The following LYRM4 variants were observed in gnomAD, a reference collection of about 807,000 sequenced individuals.
LYRM4 encodes the protein LYR motif-containing protein 4.
In LYRM4, 9 loss-of-function variants were observed where a neutral mutation model predicts 11.7. The ratio of observed to expected loss-of-function variants is 0.77; its 90% CI spans 0.46 to 1.34. The LOEUF (loss-of-function observed/expected upper bound fraction) is 1.34, where lower values mean the gene tolerates loss of function less well. Among genes scored for constraint, LYRM4 ranks in the 40% most tolerant of loss-of-function variants. The pLI, the probability that LYRM4 is intolerant of heterozygous loss-of-function variation, is 0.00. For synonymous variants in LYRM4, 42 were observed against 40.4 expected (o/e 1.04, Z -0.15); for missense variants, 133 against 112.5 (o/e 1.18, Z -0.82).
chr6:5,237,372 C>T (rs1763612398), intron 1 of LYRM4, among the ~76,000 whole-genome samples: 1 of 151,762 alleles, frequency 6.6e-6, no homozygotes, highest in Non-Finnish European at 1.5e-5. Context: ...AAGATCTGTC[C>T]CTGTCTCCCA....
chr6:5,054,842 G>A, the LYRM4 span, among the ~76,000 whole-genome samples: 6 of 152,096 alleles, frequency 3.9e-5, no homozygotes, highest in African/African-American at 1.4e-4. Flanking sequence ...ATCACATGAC[G>A]GATATCAGGC....
chr6:5,242,230 G>A (rs1336014008), intron 1 of LYRM4, among the ~76,000 whole-genome samples: 3 of 151,648 alleles, frequency 2.0e-5, no homozygotes, highest in Non-Finnish European at 4.4e-5. Flanking sequence ...GTGCCACCAC[G>A]CCTGGCTAAT....
intron 2 of LYRM4, among the ~76,000 whole-genome samples, chr6:5,190,846 T>C (rs1197297002): frequency 6.6e-6 from 1 of 152,214 alleles, no homozygotes; most frequent in Non-Finnish European, 1.5e-5. Flanking sequence ...CTAAAGTTTC[T>C]GAACCTGAGC....
At chr6:5,168,014 C>A (rs1349815823) in intron 2 of LYRM4, among the ~76,000 whole-genome samples, 1 of 151,096 alleles carries the variant, frequency 6.6e-6, no homozygotes, top group Non-Finnish European at 1.5e-5. Context: ...CTCCCACTGG[C>A]GGATGTGGGA....
chr6:5,184,756 T>C (rs1239245636), intron 2 of LYRM4, among the ~76,000 whole-genome samples: 3 of 152,234 alleles, frequency 2.0e-5, no homozygotes, highest in African/African-American at 4.8e-5. Flanking sequence ...GATCAGGTAC[T>C]GTTCTAGGTT....
intron 1 of LYRM4, among the ~76,000 whole-genome samples, chr6:5,239,420 G>A (rs540689874): frequency 6.6e-6 from 1 of 152,018 alleles, no homozygotes; most frequent in Non-Finnish European, 1.5e-5. Flanking sequence ...ATGCCCAGGA[G>A]GCCCCTGGAA....
intron 1 of LYRM4, among the ~76,000 whole-genome samples, chr6:5,239,739 C>A (rs575368806): frequency 1.3e-5 from 2 of 152,260 alleles, no homozygotes; most frequent in South Asian, 4.1e-4. Flanking sequence ...ACCATTCCCA[C>A]CAGCTGCAGG....
chr6:5,045,066 G>A, the LYRM4 span, among the ~76,000 whole-genome samples: 4 of 152,188 alleles, frequency 2.6e-5, no homozygotes, highest in African/African-American at 9.7e-5. Flanking sequence ...TGCTGTAATC[G>A]TGACTCAACA....
At chr6:5,121,646 C>T (rs1472047845) in intron 2 of LYRM4, among the ~76,000 whole-genome samples, 4 of 152,182 alleles carry the variant, frequency 2.6e-5, no homozygotes. Flanking sequence ...AACTCAGGGC[C>T]CAAACATCAC....
intron 2 of LYRM4, among the ~76,000 whole-genome samples, chr6:5,179,086 A>AAAG (rs2127675644): frequency 6.7e-6 from 1 of 149,256 alleles, no homozygotes; most frequent in East Asian, 2.0e-4. Flanking sequence ...AAAAAAAAAA[A>AAAG]AAAGAAAGAA....
intron 2 of LYRM4, among the ~76,000 whole-genome samples, chr6:5,111,834 G>A (rs1762896368): frequency 6.6e-6 from 1 of 152,210 alleles, no homozygotes; most frequent in Admixed American, 6.5e-5. Context: ...ACTTCCTCTC[G>A]TCTCAGTTCC....
chr6:5,134,734 C>T (rs1756978174), intron 2 of LYRM4, among the ~76,000 whole-genome samples: 1 of 152,228 alleles, frequency 6.6e-6, no homozygotes. Flanking sequence ...GACAATTCTA[C>T]ATACTTTTGT....
At chr6:5,130,771 TA>T (rs1246363556) in intron 2 of LYRM4, among the ~76,000 whole-genome samples, 1 of 151,876 alleles carries the variant, frequency 6.6e-6, no homozygotes, top group African/African-American at 2.4e-5. Flanking sequence ...TACATAATAG[TA>T]AAAAATATAT....
intron 1 of LYRM4, among the ~76,000 whole-genome samples, chr6:5,238,337 A>C (rs1332521295): frequency 6.6e-6 from 1 of 152,250 alleles, no homozygotes; most frequent in African/African-American, 2.4e-5. Context: ...GGGCAGTCCA[A>C]GTAAATTTAA....
chr6:5,099,391 C>CTCTATCTATCTATCTATCTA (rs58771475), downstream of LYRM4, among the ~76,000 whole-genome samples: 493 of 145,552 alleles, frequency 3.4e-3, 1 homozygote, highest in East Asian at 3.7e-3. The surrounding 1 kb of genome is among the most constrained non-coding windows in gnomAD (Gnocchi z 4.3). Context: ...AAATCTATTT[C>CTCTATCTATCTATCTATCTA]TCTATCTATC....
At chr6:5,129,682 G>A (rs892840361) in intron 2 of LYRM4, among the ~76,000 whole-genome samples, 6 of 152,180 alleles carry the variant, frequency 3.9e-5, no homozygotes, top group Non-Finnish European at 5.9e-5. Context: ...CACAGGTCTC[G>A]GGGATTAGGA....
the LYRM4 span, chr6:5,087,368 T>A: frequency 1.3e-5 from 2 of 152,248 alleles, no homozygotes; most frequent in Non-Finnish European, 2.9e-5. Flanking sequence ...TCCTCTCTAC[T>A]GCGAAAGGGC....
chr6:5,119,347 A>G (rs1380888769), intron 2 of LYRM4, among the ~76,000 whole-genome samples: 1 of 152,186 alleles, frequency 6.6e-6, no homozygotes, highest in Non-Finnish European at 1.5e-5. Context: ...CGTCCAGTCC[A>G]CATCCACTGT....
chr6:5,098,258 C>T, the LYRM4 span, among the ~76,000 whole-genome samples: 1 of 152,212 alleles, frequency 6.6e-6, no homozygotes, highest in African/African-American at 2.4e-5. Context: ...CAGATGGACC[C>T]TCAGCCTCCC....
Sources: gnomAD v4.1 joint callset for allele counts (sites outside exome capture counted in the v4.1 genomes callset) on GRCh38, gnomAD v4.1.1 for gene constraint, Gnocchi (gnomAD v3.1) non-coding constraint, MANE v1.5 for transcripts, NCBI Gene and HGNC (gene_info 2026-07-23, HGNC 2026-07-21) for gene names.